Variants in KRTAP5-5 observed in about 807,000 individuals in gnomAD.
KRTAP5-5 encodes keratin associated protein 5-5.
In KRTAP5-5, 1 loss-of-function variant was observed where a neutral mutation model predicts 2.8. The observed-to-expected ratio is 0.35, with a 90% CI of 0.13 to 1.67. KRTAP5-5 has a LOEUF of 1.67. Among genes scored for constraint, KRTAP5-5 ranks in the 40% most tolerant of loss-of-function variants. The pLI, the probability that KRTAP5-5 is intolerant of heterozygous loss-of-function variation, is 0.35. For synonymous variants in KRTAP5-5, 83 were observed against 110.6 expected (o/e 0.75, Z 1.57); for missense variants, 134 against 270.9 (o/e 0.49, Z 3.55).
exon 1 of KRTAP5-5, chr11:1,630,494 C>T (rs755291491): frequency 3.9e-5 from 63 of 1,599,606 alleles, no homozygotes; most frequent in Non-Finnish European, 5.2e-5. Context: ...CCAGCTGCTA[C>T]AAGCCCTGCT....
exon 1 of KRTAP5-5, chr11:1,629,887 G>T: frequency 6.2e-7 from 1 of 1,608,348 alleles, no homozygotes; most frequent in Non-Finnish European, 8.5e-7. Context: ...GGCTGTGGAG[G>T]CCGTGGCTCC....
At chr11:1,630,664 T>A in exon 1 of KRTAP5-5, 2 of 1,424,406 alleles carry the variant, frequency 1.4e-6, no homozygotes, top group Non-Finnish European at 2.0e-6. Flanking sequence ...CCTCACTGGC[T>A]TCATCCACTC....
exon 1 of KRTAP5-5, chr11:1,629,854 G>T (rs757779925): frequency 7.1e-7 from 1 of 1,403,752 alleles, no homozygotes; most frequent in East Asian, 2.6e-5. Context: ...GGCTGCTGTG[G>T]CTGCTCCGGA....
chr11:1,630,852 C>T (rs1048956993), downstream of KRTAP5-5: 24 of 569,238 alleles, frequency 4.2e-5, no homozygotes, highest in East Asian at 1.2e-4. Flanking sequence ...GGAGTGTGAT[C>T]GACCCTCAAT....
Position 1,630,184 on chromosome 11 carries a change from CCAAGGGGGGCTGTGGCTCCTGTGGGGGG to C in KRTAP5-5, c.345_372del (p.Lys116ProfsTer126), listed in dbSNP as rs1849734316. On this transcript the variant is annotated frameshift_variant, in exon 1 of 1. Transcript: ENST00000399676. LOFTEE classifies it low-confidence loss of function (END_TRUNC). ...GGGGCCTGTGGCTCCTGTGGGGGGT[CCAAGGGGGGCTGTGGCTCCTGTGGGGGG>C]TCCAAGGGGGGCTGTGGCTCCTGTG... 7.3e-7 allele frequency: 1 copy of C among 1,375,962 alleles called. No homozygotes were observed. Among genetic ancestry groups the C allele is most frequent in the African/African-American group, 2.0e-5 (1 of 49,702 alleles). The allele number at this position is 1,375,962 out of a possible 1,614,324, so 85.2% of individuals were successfully genotyped here.
chr11:1,630,209 GGGGTCC>G (rs777937937), exon 1 of KRTAP5-5: 3 of 367,510 alleles, frequency 8.2e-6, no homozygotes, highest in Non-Finnish European at 1.4e-5. Flanking sequence ...GCTCCTGTGG[GGGGTCC>G]AAGGGGGGCT....
At chr11:1,630,575 G>C in exon 1 of KRTAP5-5, 1 of 1,611,006 alleles carries the variant, frequency 6.2e-7, no homozygotes, top group Non-Finnish European at 8.5e-7. Flanking sequence ...GCAGACTGCA[G>C]GTGGCCTGAC....
exon 1 of KRTAP5-5, chr11:1,630,590 G>A (rs755381390): frequency 1.9e-6 from 3 of 1,610,972 alleles, no homozygotes; most frequent in Admixed American, 3.3e-5. Context: ...CCTGACTGGT[G>A]AAGGGCCCGG....
In KRTAP5-5 at chr11:1,630,247, AG is replaced by A; in HGVS notation, c.413del (p.Gly138AlafsTer113). The A allele has an allele frequency of 1.5e-6, 1 of 686,732 alleles. No individual in the cohort carries two copies. The highest frequency in any genetic ancestry group is 2.1e-6 in the Non-Finnish European group (1 of 482,126). The allele number at this position is 686,732 out of a possible 1,614,324, so 42.5% of individuals were successfully genotyped here. On this transcript the variant is annotated frameshift_variant, in exon 1 of 1. Transcript: ENST00000399676. LOFTEE classifies it low-confidence loss of function (END_TRUNC). ...GGCTGTGGCTCCTGTGGGGGGTCCAAGGGGGGCTGTGGCTCCTGTGGGGGGT... is the reference window on the plus strand; with the variant it reads ...GGCTGTGGCTCCTGTGGGGGGTCCAAGGGGGCTGTGGCTCCTGTGGGGGGT...
chr11:1,629,782 C>T (rs1018542714), exon 1 of KRTAP5-5: 25 of 1,610,828 alleles, frequency 1.6e-5, no homozygotes, highest in Non-Finnish European at 2.0e-5. Context: ...GGGGGCTCCA[C>T]ACCTGCACCT....
chr11:1,630,809 C>T (rs1460083776), downstream of KRTAP5-5: 2 of 608,882 alleles, frequency 3.3e-6, no homozygotes, highest in East Asian at 5.6e-5. Flanking sequence ...GCAGATCAGA[C>T]CCCTTAGACC....
At chr11:1,630,517 G>T in exon 1 of KRTAP5-5, 1 of 1,614,050 alleles carries the variant, frequency 6.2e-7, no homozygotes, top group Non-Finnish European at 8.5e-7. Context: ...TGCCAGTCCA[G>T]CTGCTGTGTC....
At position 1,630,126 on chromosome 11, in the gene KRTAP5-5, A is replaced by G. The variant is rs1428013125; in HGVS notation, c.286A>G (p.Lys96Glu). ...GGGCTGTGGCTCTTGCGGGGGCTCC[A>G]AGAGAGGCTGTGTCTCCTGTGGGGT... is the stretch of plus-strand genomic sequence containing the variant. The change falls in exon 1 of 1, where the codon AAG becomes GAG. Residue 96 changes from lysine to glutamate, a missense_variant. Transcript: ENST00000399676. 4 of 1,607,920 alleles carry G rather than the reference A, an allele frequency of 2.5e-6. No homozygotes were observed. The South Asian group carries it at 4.4e-5, about 18-fold the overall frequency.
At chr11:1,630,791 C>A (rs10838011), downstream of KRTAP5-5, 61,996 of 639,572 alleles carry the variant, frequency 0.097, 3,139 homozygotes, top group East Asian at 0.13. Context: ...CCCACTGAGG[C>A]CCCAGAGGCA....
chr11:1,630,724 T>C (rs557237518), downstream of KRTAP5-5: 1,161 of 869,952 alleles, frequency 1.3e-3, 2 homozygotes, highest in Admixed American at 2.2e-3. Context: ...GCTCATTGCC[T>C]ACTACTTCTC....
chr11:1,629,918 C>G (rs370698009), exon 1 of KRTAP5-5: 1 of 1,595,796 alleles, frequency 6.3e-7, no homozygotes, highest in Non-Finnish European at 8.5e-7. Context: ...GCTGTGGCTC[C>G]GGCTGTGGAG....
chr11:1,630,139 T>C (rs748765927), exon 1 of KRTAP5-5: 1 of 1,600,856 alleles, frequency 6.2e-7, no homozygotes, highest in African/African-American at 1.4e-5. Flanking sequence ...AGAGGCTGTG[T>C]CTCCTGTGGG....
exon 1 of KRTAP5-5, chr11:1,630,544 G>A: frequency 2.5e-6 from 4 of 1,611,766 alleles, no homozygotes; most frequent in South Asian, 2.2e-5. Context: ...TGCTGCCAGT[G>A]TAAGATCTGA....
chr11:1,629,907 G>A lies in KRTAP5-5; in HGVS notation c.67G>A (p.Gly23Ser), dbSNP rs751957230. 85 of 1,603,252 alleles carry A rather than the reference G, an allele frequency of 5.3e-5. No homozygotes were observed. Among genetic ancestry groups the A allele is most frequent in the Non-Finnish European group, 7.0e-5 (82 of 1,173,964 alleles). ...TGGAGGCCGTGGCTCCGGCTGTGGG[G>A]GCTGTGGCTCCGGCTGTGGAGGCTG... is the stretch of plus-strand genomic sequence containing the variant. The change falls in exon 1 of 1, where the codon GGC becomes AGC. Residue 23 changes from glycine (G) to serine (S), a missense_variant. Coordinates refer to ENST00000399676, the Ensembl canonical transcript of KRTAP5-5.
Sources: gnomAD v4.1 joint callset for allele counts on GRCh38, gnomAD v4.1.1 for gene constraint, MANE v1.5 for transcripts, NCBI Gene and HGNC (gene_info 2026-07-23, HGNC 2026-07-21) for gene names.